The following PHF24 variants were observed in gnomAD, a reference collection of about 807,000 sequenced individuals.
PHF24 encodes the protein PHD finger protein 24.
A neutral mutation model predicts 42.6 loss-of-function variants in PHF24; 25 were observed. The observed-to-expected ratio is 0.59, with a 90% CI of 0.43 to 0.82. The LOEUF is 0.82. Among genes scored for constraint, PHF24 ranks in the 40% least tolerant of loss-of-function variants. PHF24 has a pLI of 0.00. For synonymous variants in PHF24, 185 were observed against 204.8 expected (o/e 0.90, Z 0.83); for missense variants, 470 against 538.1 (o/e 0.87, Z 1.25).
chr9:34,692,998 G>T, the PHF24 span, among the ~76,000 whole-genome samples: 55 of 152,224 alleles, frequency 3.6e-4, no homozygotes, highest in African/African-American at 9.9e-4. Context: ...TGTTGGCTAG[G>T]CTGGTTTCGA....
At chr9:34,951,505 C>T in the PHF24 span, among the ~76,000 whole-genome samples, 1 of 152,188 alleles carries the variant, frequency 6.6e-6, no homozygotes, top group East Asian at 1.9e-4. Context: ...ATTCAACCAT[C>T]TATTGCTGGC....
intron 3 of PHF24, among the ~76,000 whole-genome samples, chr9:34,974,621 T>G (rs1827121505): frequency 6.6e-6 from 1 of 152,152 alleles, no homozygotes; most frequent in Non-Finnish European, 1.5e-5. Flanking sequence ...GTCCTGTTTC[T>G]CAGGGTTCTG....
the PHF24 span, among the ~76,000 whole-genome samples, chr9:34,688,854 A>G: frequency 6.6e-6 from 1 of 152,240 alleles, no homozygotes; most frequent in Non-Finnish European, 1.5e-5. Flanking sequence ...AGCATGCTGG[A>G]CACCACAAAA....
chr9:34,977,707 G>A, intron 7 of PHF24, 66 bp downstream of exon 7: 1 of 1,353,496 alleles, frequency 7.4e-7, no homozygotes, highest in Non-Finnish European at 1.0e-6. Flanking sequence ...ACAAGTAAGA[G>A]AGGGCATTAC....
the PHF24 span, among the ~76,000 whole-genome samples, chr9:34,875,218 TA>T: frequency 6.6e-6 from 1 of 152,334 alleles, no homozygotes; most frequent in Non-Finnish European, 1.5e-5. Context: ...CACACACTCT[TA>T]AGCTTGAGAA....
chr9:34,965,287 C>T (rs955629010), intron 1 of PHF24, among the ~76,000 whole-genome samples: 3 of 152,208 alleles, frequency 2.0e-5, no homozygotes, highest in African/African-American at 4.8e-5. Context: ...GTTTTAGACT[C>T]GCTTTTAAAG....
At chr9:34,842,792 T>A in the PHF24 span, among the ~76,000 whole-genome samples, 2 of 152,236 alleles carry the variant, frequency 1.3e-5, no homozygotes, top group African/African-American at 2.4e-5. Context: ...TAATTTTTTT[T>A]AATTTCCAAA....
At chr9:34,817,243 T>C in the PHF24 span, among the ~76,000 whole-genome samples, 1 of 152,190 alleles carries the variant, frequency 6.6e-6, no homozygotes, top group African/African-American at 2.4e-5. Context: ...TTATCATTTG[T>C]ATTATTAATT....
the PHF24 span, among the ~76,000 whole-genome samples, chr9:34,875,968 T>A: frequency 0.022 from 2,963 of 136,388 alleles, 36 homozygotes; most frequent in Non-Finnish European, 0.029. Flanking sequence ...TCTCTCTCTC[T>A]CTCTCTCTCT....
chr9:34,831,861 A>G, the PHF24 span, among the ~76,000 whole-genome samples: 1 of 152,310 alleles, frequency 6.6e-6, no homozygotes, highest in South Asian at 2.1e-4. Context: ...TTTTCTAGAA[A>G]GATCTTCCCA....
intron 1 of PHF24, among the ~76,000 whole-genome samples, chr9:34,964,297 T>C (rs1173557528): frequency 1.3e-5 from 2 of 152,164 alleles, no homozygotes; most frequent in Admixed American, 1.3e-4. Flanking sequence ...TTGAACCAGC[T>C]ACTCGGGAGG....
At chr9:34,689,541 C>T in the PHF24 span, 4 of 388,992 alleles carry the variant, frequency 1.0e-5, no homozygotes, top group Non-Finnish European at 1.8e-5. This position sits in a 1 kb window ranked among gnomAD's most constrained non-coding sequence, Gnocchi z 4.1. Context: ...GGAGAAAGAA[C>T]AAAGAAATCT....
At chr9:34,735,149 T>G in the PHF24 span, among the ~76,000 whole-genome samples, 927 of 149,152 alleles carry the variant, frequency 6.2e-3, 5 homozygotes, top group African/African-American at 0.017. Flanking sequence ...TTTTTTTTTT[T>G]TTTTGAGACG....
chr9:34,936,870 C>G, the PHF24 span, among the ~76,000 whole-genome samples: 2 of 150,016 alleles, frequency 1.3e-5, no homozygotes, highest in South Asian at 4.2e-4. Flanking sequence ...CCCCTCCGCC[C>G]GGCAGCCGCC....
the PHF24 span, among the ~76,000 whole-genome samples, chr9:34,881,953 A>G: frequency 6.6e-6 from 1 of 152,228 alleles, no homozygotes; most frequent in Non-Finnish European, 1.5e-5. Context: ...TATTGATGCA[A>G]AAATCCTCAA....
At chr9:34,697,196 G>T in the PHF24 span, among the ~76,000 whole-genome samples, 1 of 152,198 alleles carries the variant, frequency 6.6e-6, no homozygotes, top group South Asian at 2.1e-4. Context: ...CTAGAACCTC[G>T]CTGGCCTGTT....
the PHF24 span, chr9:34,835,962 A>C: frequency 3.2e-5 from 23 of 720,656 alleles, no homozygotes; most frequent in Non-Finnish European, 5.6e-5. Context: ...GCAACTGCTG[A>C]ATCTCCAGAG....
chr9:34,981,577 A>G (rs1827391269), exon 8 of PHF24: 1 of 152,204 alleles, frequency 6.6e-6, no homozygotes, highest in Admixed American at 6.5e-5. Flanking sequence ...AGCTGGCTCT[A>G]GTGATCCTGA....
chr9:34,805,085 A>G, the PHF24 span, among the ~76,000 whole-genome samples: 2 of 152,146 alleles, frequency 1.3e-5, no homozygotes, highest in African/African-American at 4.8e-5. Context: ...TGGATATACC[A>G]TATTTTGTTT....
Sources: allele counts gnomAD v4.1 joint callset (sites outside exome capture counted in the v4.1 genomes callset), GRCh38; gene constraint gnomAD v4.1.1; non-coding constraint Gnocchi (gnomAD v3.1); transcripts MANE v1.5; gene names NCBI Gene and HGNC (gene_info 2026-07-23, HGNC 2026-07-21).